The following MAPK6 variants were observed in gnomAD, a reference collection of about 807,000 sequenced individuals.
MAPK6 encodes the protein mitogen-activated protein kinase 6.
Under a neutral mutation model 59.3 loss-of-function variants are expected in MAPK6, and 19 were observed. The observed-to-expected ratio is 0.32, with a 90% CI of 0.22 to 0.47. MAPK6 has a LOEUF of 0.47. Ranked by LOEUF, MAPK6 falls within the 20% of genes least tolerant of loss-of-function variation. The pLI is 1.00. For missense variants in MAPK6, 724 were observed against 847.9 expected (o/e 0.85, Z 1.81); for synonymous variants, 316 against 290.3 (o/e 1.09, Z -0.90).
At chr15:52,013,112 T>C (rs2030139341) in intron 3 of MAPK6, among the ~76,000 whole-genome samples, 1 of 143,344 alleles carries the variant, frequency 7.0e-6, no homozygotes. Context: ...GAGAACTCTC[T>C]CAAGATTCCC....
At chr15:51,997,514 T>C (rs995381730) in intron 2 of MAPK6, among the ~76,000 whole-genome samples, 1 of 151,906 alleles carries the variant, frequency 6.6e-6, no homozygotes, top group Admixed American at 6.6e-5. Context: ...CGCCTTGGCC[T>C]CCCAGAGTGC....
chr15:52,056,880 C>T (rs1489259290), intron 3 of MAPK6: 1 of 151,648 alleles, frequency 6.6e-6, no homozygotes, highest in Non-Finnish European at 1.5e-5. Context: ...TATCTTCAGC[C>T]CTGACCTCTC....
In MAPK6 at chr15:52,058,699, G is replaced by A. The variant is rs750081816; in HGVS notation, c.767G>A (p.Arg256His). Residue 256 changes from arginine to histidine, a missense_variant, in exon 4 of 6, where the codon CGT becomes CAT. Arg to His is a conservative substitution (Grantham distance 29). Transcript: ENST00000261845. The stretch of plus-strand genomic sequence containing the variant: ...ATTCCTGTTGTACATGAGGAAGATC[G>A]TCAGGAGCTTCTCAGCGTAATTCCA... ...ESIPVVHEED[R>H]QELLSVIPVY... 1.1e-5 allele frequency: 17 copies of A among 1,613,506 alleles called. No homozygotes were observed. The highest frequency in any genetic ancestry group is 2.2e-5 in the South Asian group (2 of 90,994).
intron 2 of MAPK6, among the ~76,000 whole-genome samples, chr15:51,997,350 C>T (rs980439731): frequency 9.3e-5 from 14 of 151,298 alleles, no homozygotes; most frequent in African/African-American, 2.2e-4. Context: ...TGGCTCACTG[C>T]GACCTCTGCC....
Position 52,032,510 on chromosome 15 carries a change from G to C in MAPK6, c.-632+13134G>C, listed in dbSNP as rs115783885. The stretch of plus-strand genomic sequence containing the variant: ...TGGCCGTGGATAGATATTTTTAATA[G>C]ACTTTTTATATTTTCGAGATATTTA... On this transcript the variant is annotated intron_variant, in intron 1 of 5. Transcript: ENST00000261845. Among the ~76,000 whole-genome samples, 517 of 151,768 alleles carry C rather than the reference G, an allele frequency of 3.4e-3. 4 individuals are homozygous for C. The highest frequency in any genetic ancestry group is 0.011 in the African/African-American group (460 of 41,388).
At chr15:52,033,625 T>G (rs1031159654) in intron 1 of MAPK6, 1 of 152,212 alleles carries the variant, frequency 6.6e-6, no homozygotes, top group African/African-American at 2.4e-5. Flanking sequence ...CACTACTGGC[T>G]TATTTCTTCC....
chr15:52,017,765 T>C (rs1009906984), upstream of MAPK6: 2 of 152,012 alleles, frequency 1.3e-5, no homozygotes, highest in Non-Finnish European at 2.9e-5. Context: ...CAGACATTGA[T>C]GGAAAAGGAA....
chr15:51,993,088 T>C (rs1488138151), intron 2 of MAPK6, among the ~76,000 whole-genome samples: 1 of 152,138 alleles, frequency 6.6e-6, no homozygotes, highest in Non-Finnish European at 1.5e-5. Context: ...TCCAATCACA[T>C]AGTTGGTTCC....
intron 3 of MAPK6, among the ~76,000 whole-genome samples, chr15:52,053,186 C>T (rs1205907345): frequency 1.3e-5 from 2 of 151,186 alleles, no homozygotes; most frequent in African/African-American, 4.9e-5. Flanking sequence ...AGTTCTCCTG[C>T]TCTCAGCCTC....
At chr15:52,060,365 G>A (rs2032152754) in intron 4 of MAPK6, among the ~76,000 whole-genome samples, 2 of 152,224 alleles carry the variant, frequency 1.3e-5, no homozygotes, top group African/African-American at 4.8e-5. Context: ...ATAGTGAAGA[G>A]GTAGGGATTG....
intron 1 of MAPK6, among the ~76,000 whole-genome samples, chr15:51,972,205 C>A (rs1250033951): frequency 6.6e-6 from 1 of 152,150 alleles, no homozygotes; most frequent in Non-Finnish European, 1.5e-5. Flanking sequence ...GTGGCGCGAT[C>A]TCGGCTCACA....
chr15:52,020,320 C>T (rs1369956719), intron 1 of MAPK6, among the ~76,000 whole-genome samples: 1 of 152,174 alleles, frequency 6.6e-6, no homozygotes, highest in Admixed American at 6.5e-5. Context: ...TTCTTGATTC[C>T]TTTCCTGTTT....
chr15:52,046,531 A>T lies in MAPK6; in HGVS notation c.71A>T (p.Lys24Ile). The T allele has an allele frequency of 1.2e-6, 2 of 1,614,046 alleles. No individual in the cohort carries two copies. The highest frequency in any genetic ancestry group is 1.7e-6 in the Non-Finnish European group (2 of 1,179,910). ...CTGGGTTCTAGGTATATGGACTTAA[A>T]ACCATTGGGTTGTGGAGGCAATGGC... ...FDLGSRYMDL[K>I]PLGCGGNGLV... Residue 24 changes from lysine (K) to isoleucine (I), a missense_variant, in exon 2 of 6, where the codon AAA becomes ATA. Physicochemically the swap from Lys to Ile is moderately radical, Grantham distance 102 (BLOSUM62 -3). This residue lies in a region of MAPK6 where 30 missense variants were observed against 55.3 expected (regional missense o/e 0.54). Coordinates refer to ENST00000261845, the MANE Select transcript of MAPK6 (RefSeq NM_002748.4).
In MAPK6 at chr15:52,048,816, C is replaced by G. The variant is rs1276519998; in HGVS notation, c.556-1177C>G. 3.3e-5 allele frequency among the ~76,000 whole-genome samples: 5 copies of G among 152,092 alleles called. No homozygotes were observed. The South Asian group carries it at 8.3e-4, about 25-fold the overall frequency. On this transcript the variant is annotated intron_variant, in intron 2 of 5. Coordinates refer to ENST00000261845, the MANE Select transcript of MAPK6 (RefSeq NM_002748.4). ...ATCACTTGAGGCCAGGAGTTTGAGACCAACCTGGGCAACACAGACAACTTT... is the reference window on the plus strand; with the variant it reads ...ATCACTTGAGGCCAGGAGTTTGAGAGCAACCTGGGCAACACAGACAACTTT...
rs1005083193 is a variant in MAPK6, at chr15:51,971,903, CTGGGTATGCA to C, written c.-880+1_-880+10del. The C allele has an allele frequency of 4.2e-6, 3 of 717,634 alleles. No individual in the cohort carries two copies. The African/African-American group carries it at 5.2e-5, about 12-fold the overall frequency. 44.5% of individuals were successfully genotyped at this position (717,634 alleles called of 1,614,324 possible). ...GCTCGCCCAGTGAACCTGTTCTCGC[CTGGGTATGCA>C]TGGTATATAAGCCCGGCCATTTCGT... On this transcript the variant is annotated splice_donor_variant and splice_donor_5th_base_variant and 5_prime_UTR_variant and intron_variant, in exon 1 of 8. Transcript: ENST00000691380. LOFTEE classifies it low-confidence loss of function (5UTR_SPLICE).
intron 3 of MAPK6, among the ~76,000 whole-genome samples, chr15:52,050,567 G>C (rs2031744948): frequency 1.3e-5 from 2 of 152,188 alleles, no homozygotes; most frequent in African/African-American, 4.8e-5. Flanking sequence ...AGAAGTGTGT[G>C]AGAGAGGACT....
chr15:52,042,479 C>A (rs539297166), intron 1 of MAPK6, among the ~76,000 whole-genome samples: 1 of 152,104 alleles, frequency 6.6e-6, no homozygotes, highest in African/African-American at 2.4e-5. Flanking sequence ...ACTGAGAATT[C>A]TGAAAAGGCA....
intron 2 of MAPK6, among the ~76,000 whole-genome samples, chr15:52,002,868 T>C (rs1395387741): frequency 1.3e-5 from 2 of 151,940 alleles, no homozygotes; most frequent in African/African-American, 4.8e-5. Flanking sequence ...AGAGTGTATG[T>C]GAAGGAGGAA....
intron 1 of MAPK6, among the ~76,000 whole-genome samples, chr15:52,035,359 G>T (rs780003420): frequency 1.3e-5 from 2 of 152,198 alleles, no homozygotes; most frequent in African/African-American, 4.8e-5. Flanking sequence ...ATAGGGGGCC[G>T]GGCAGTGGCT....
Sources: allele counts gnomAD v4.1 joint callset (sites outside exome capture counted in the v4.1 genomes callset), GRCh38; gene constraint gnomAD v4.1.1; regional missense constraint gnomAD v4.1.1; transcripts MANE v1.5; gene names NCBI Gene and HGNC (gene_info 2026-07-23, HGNC 2026-07-21).